Variants in GFPT1 observed in about 807,000 individuals in gnomAD.
The protein encoded by GFPT1 is glutamine--fructose-6-phosphate transaminase 1, also known as glutamine--fructose-6-phosphate aminotransferase [isomerizing] 1.
A neutral mutation model predicts 92.0 loss-of-function variants in GFPT1; 40 were observed. That is an observed-to-expected ratio of 0.43 (90% CI 0.34 to 0.57). The LOEUF is 0.57. GFPT1 is among the 20% of genes least tolerant of loss of function. GFPT1 has a pLI of 0.02. For missense variants in GFPT1, 448 were observed against 869.1 expected, an observed-to-expected ratio of 0.52 and a Z score of 6.09; for synonymous variants, 269 against 280.6, an observed-to-expected ratio of 0.96 and a Z score of 0.41.
rs149708734 is a variant in GFPT1 at position 69,334,867 on chromosome 2, A to AT, written c.1482+3030dup. Among the ~76,000 whole-genome samples the AT allele has an allele frequency of 7.0e-3, 1,061 of 152,342 alleles. 10 individuals carry two copies. Among genetic ancestry groups the AT allele is most frequent in the African/African-American group, 0.024 (1,003 of 41,574 alleles). ...ATTGACTACAAAGAAACACAAAGGA[A>AT]TATTTCAGGTGATCATCTTCTAAAA... On this transcript the variant is annotated intron_variant, in intron 15 of 19. Coordinates refer to ENST00000357308, the MANE Select transcript of GFPT1 (RefSeq NM_001244710.2).
chr2:69,384,125 T>C (rs917505809), intron 1 of GFPT1, among the ~76,000 whole-genome samples: 2 of 152,020 alleles, frequency 1.3e-5, no homozygotes, highest in Non-Finnish European at 2.9e-5. Flanking sequence ...ATTTGGAAAA[T>C]AGACACACTA....
intron 15 of GFPT1, among the ~76,000 whole-genome samples, chr2:69,334,326 G>GA (rs1193396424): frequency 6.6e-6 from 1 of 151,708 alleles, no homozygotes; most frequent in Non-Finnish European, 1.5e-5. Context: ...TAGAATCCAA[G>GA]AAAAATGAAA....
intron 1 of GFPT1, among the ~76,000 whole-genome samples, chr2:69,386,001 A>G (rs1375976885): frequency 6.6e-6 from 1 of 151,158 alleles, no homozygotes; most frequent in African/African-American, 2.4e-5. Context: ...GAGAGTTTTC[A>G]ATTCTCTTAC....
chr2:69,384,799 A>G (rs1672095614), intron 1 of GFPT1, among the ~76,000 whole-genome samples: 1 of 151,920 alleles, frequency 6.6e-6, no homozygotes, highest in Non-Finnish European at 1.5e-5. Context: ...GAAAGAAAAG[A>G]AAAGAAAGAA....
intron 10 of GFPT1, 37 bp from the exon 11 acceptor site, chr2:69,348,371 C>A: frequency 6.8e-7 from 1 of 1,474,510 alleles, no homozygotes; most frequent in Non-Finnish European, 9.5e-7. Context: ...AATCGATAAC[C>A]AAGGATCATT....
At chr2:69,366,297 T>C (rs1441063476) in intron 3 of GFPT1, among the ~76,000 whole-genome samples, 2 of 152,202 alleles carry the variant, frequency 1.3e-5, no homozygotes, top group African/African-American at 2.4e-5. Context: ...AAGAAAAAAT[T>C]ATTGCTATGA....
chr2:69,369,932 T>TA lies in GFPT1; in HGVS notation c.223+68dup, dbSNP rs57860122. ...CAAAATATGGGGGGAGGGAGTAACT[T>TA]AGAGGAGAATGGGGAGGGGAAAAGG... On this transcript the variant is annotated intron_variant, in intron 3 of 19. Transcript: ENST00000357308. 0.02 allele frequency: 18,135 copies of TA among 892,666 alleles called. 1,212 individuals carry two copies. Among genetic ancestry groups the TA allele is most frequent in the East Asian group, 0.19 (7,757 of 41,550 alleles). 55.3% of individuals were successfully genotyped at this position (892,666 alleles called of 1,614,324 possible).
chr2:69,332,596 C>T (rs922489572), intron 15 of GFPT1, among the ~76,000 whole-genome samples: 4 of 151,962 alleles, frequency 2.6e-5, no homozygotes, highest in South Asian at 2.1e-4. Context: ...TGAGCCACCA[C>T]GCCCGGCCTC....
In GFPT1 at chr2:69,323,059, C is replaced by G. The variant is rs547538108; in HGVS notation, c.*3130G>C. ...ATAGGTATTAATAAACACTTGTTGA[C>G]ATAGTTATAATAAGCTAAAAATAGT... is the stretch of plus-strand genomic sequence containing the variant. On this transcript the variant is annotated 3_prime_UTR_variant, in exon 20 of 20. Coordinates refer to ENST00000357308, the MANE Select transcript of GFPT1 (RefSeq NM_001244710.2). 1 of 152,200 alleles carries G rather than the reference C, an allele frequency of 6.6e-6. No homozygotes were observed. The highest frequency in any genetic ancestry group is 1.5e-5 in the Non-Finnish European group (1 of 68,040). The allele number at this position is 152,200 out of a possible 1,614,324, so 9.4% of individuals were successfully genotyped here. A position where few individuals can be genotyped will look rare whatever the true frequency, so the allele number is the denominator to read the frequency against.
chr2:69,376,518 C>G (rs1164192471), intron 1 of GFPT1, among the ~76,000 whole-genome samples: 18 of 94,180 alleles, frequency 1.9e-4, no homozygotes, highest in Admixed American at 1.8e-3. Flanking sequence ...GACTCCATCT[C>G]AAAAGAAAAA....
intron 3 of GFPT1, among the ~76,000 whole-genome samples, chr2:69,369,654 CAT>C (rs1045343991): frequency 3.9e-5 from 6 of 152,200 alleles, no homozygotes; most frequent in Non-Finnish European, 7.3e-5. Flanking sequence ...CAAGTGAAGA[CAT>C]GTGTAAAAGG....
At chr2:69,338,387 G>A in intron 14 of GFPT1, 58 bp downstream of exon 14, 1 of 1,455,638 alleles carries the variant, frequency 6.9e-7, no homozygotes, top group Non-Finnish European at 9.6e-7. Context: ...GCCAAGATAT[G>A]CTAGAATTAT....
chr2:69,352,825 C>A (rs868820000), intron 9 of GFPT1, among the ~76,000 whole-genome samples: 2 of 151,720 alleles, frequency 1.3e-5, no homozygotes, highest in South Asian at 2.1e-4. Context: ...GTGGGCGGAT[C>A]ACCTGAGGTC....
At position 69,354,294 on chromosome 2, in the gene GFPT1, G is replaced by T; in HGVS notation, c.704C>A (p.Ser235Ter). The T allele has an allele frequency of 6.3e-7, 1 of 1,591,578 alleles. No individual in the cohort carries two copies. The highest frequency in any genetic ancestry group is 1.1e-5 in the South Asian group (1 of 89,730). Reference protein sequence around the residue: ...LYRTARTQIGSKFTRWGSQGE... With the variant: ...LYRTARTQIG Reference sequence around the variant, plus strand: ...CTGTGATCCCCACCGTGTGAATTTTGATCCAATCTGAGTCCTAGCTAAGGA... The same window carrying T: ...CTGTGATCCCCACCGTGTGAATTTTTATCCAATCTGAGTCCTAGCTAAGGA... Residue 235 changes from serine (S) to a stop codon, truncating the protein, a stop_gained, in exon 9 of 20, where the codon TCA becomes TAA. Coordinates refer to ENST00000357308, the MANE Select transcript of GFPT1 (RefSeq NM_001244710.2). LOFTEE classifies it high-confidence loss of function.
At position 69,345,979 on chromosome 2, in the gene GFPT1, G is replaced by T; in HGVS notation, c.1030C>A (p.Gln344Lys). The change falls in exon 12 of 20, where the codon CAG becomes AAG. Residue 344 changes from glutamine (Q) to lysine (K), a missense_variant. Physicochemically the swap from Gln to Lys is moderately conservative, Grantham distance 53 (BLOSUM62 1). This residue lies in a region of GFPT1 where 121 missense variants were observed against 304.3 expected (regional missense o/e 0.40). Transcript: ENST00000357308. The stretch of plus-strand genomic sequence containing the variant: ...TCTGGCTGCTCAAATATTTCCTTCT[G>T]CATAAATGAACTGAAGTTGCCTATA... ...IMKGNFSSFM[Q>K]KEIFEQPESV... 1 of 1,602,042 alleles carries T rather than the reference G, an allele frequency of 6.2e-7. No individual in the cohort carries two copies. The highest frequency in any genetic ancestry group is 8.6e-7 in the Non-Finnish European group (1 of 1,169,066).
At chr2:69,355,849 T>C (rs1417827181) in intron 7 of GFPT1, among the ~76,000 whole-genome samples, 2 of 152,134 alleles carry the variant, frequency 1.3e-5, no homozygotes, top group Non-Finnish European at 2.9e-5. Flanking sequence ...GTCTAGAATA[T>C]ATGTTTCAAA....
chr2:69,369,608 C>T (rs1671694203), intron 3 of GFPT1, among the ~76,000 whole-genome samples: 1 of 152,258 alleles, frequency 6.6e-6, no homozygotes, highest in African/African-American at 2.4e-5. Flanking sequence ...TGACTACATC[C>T]AAGCTAGGCA....
intron 2 of GFPT1, among the ~76,000 whole-genome samples, chr2:69,370,412 C>A (rs1157953552): frequency 6.6e-6 from 1 of 152,070 alleles, no homozygotes; most frequent in Non-Finnish European, 1.5e-5. Context: ...AATTGGGATA[C>A]AATGGAGAAA....
intron 12 of GFPT1, among the ~76,000 whole-genome samples, chr2:69,342,801 T>C (rs1670983929): frequency 6.6e-6 from 1 of 152,214 alleles, no homozygotes; most frequent in East Asian, 1.9e-4. Flanking sequence ...GGAAAAACAT[T>C]ATCTCAGTTA....
Sources: allele counts gnomAD v4.1 joint callset (sites outside exome capture counted in the v4.1 genomes callset), GRCh38; gene constraint gnomAD v4.1.1; regional missense constraint gnomAD v4.1.1; transcripts MANE v1.5; gene names NCBI Gene and HGNC (gene_info 2026-07-23, HGNC 2026-07-21).